OSBPL10: variants seen among roughly 807,000 people sequenced by gnomAD.
OSBPL10 encodes oxysterol-binding protein-related protein 10.
OSBPL10 carries 49 observed loss-of-function variants against 81.7 expected under a neutral mutation model. The observed-to-expected ratio is 0.60, with a 90% CI of 0.48 to 0.76. OSBPL10 has a LOEUF of 0.76. OSBPL10 is among the 30% of genes least tolerant of loss of function. The pLI is 0.00. For missense variants in OSBPL10, 923 were observed against 987.8 expected (o/e 0.93, Z 0.88); for synonymous variants, 419 against 383.6 (o/e 1.09, Z -1.08).
chr3:31,936,606 C>T (rs189093678), intron 1 of OSBPL10, among the ~76,000 whole-genome samples: 9 of 152,230 alleles, frequency 5.9e-5, no homozygotes, highest in African/African-American at 1.2e-4. Flanking sequence ...ATTTCCATGA[C>T]ACACACAGGT....
intron 4 of OSBPL10, among the ~76,000 whole-genome samples, chr3:31,790,909 T>C (rs1251011606): frequency 1.3e-5 from 2 of 152,198 alleles, no homozygotes; most frequent in Admixed American, 6.5e-5. Flanking sequence ...GCTATGCTTG[T>C]TGGAACTCAT....
intron 3 of OSBPL10, among the ~76,000 whole-genome samples, chr3:31,857,290 T>A (rs7624824): frequency 0.013 from 1,933 of 152,154 alleles, 39 homozygotes; most frequent in African/African-American, 0.043. Flanking sequence ...GCAGCTCCCC[T>A]CAAAGAGCAT....
intron 5 of OSBPL10, among the ~76,000 whole-genome samples, chr3:31,742,825 G>A (rs1697395127): frequency 6.6e-6 from 1 of 152,022 alleles, no homozygotes; most frequent in African/African-American, 2.4e-5. Context: ...CTCCCAAAGA[G>A]CACAACCTTT....
chr3:32,021,665 A>G (rs994842843), intron 2 of OSBPL10, among the ~76,000 whole-genome samples: 1 of 152,090 alleles, frequency 6.6e-6, no homozygotes, highest in African/African-American at 2.4e-5. Flanking sequence ...TCCATTGCCC[A>G]TTTAGGAGTT....
At chr3:31,741,404 A>C (rs1256250266) in intron 5 of OSBPL10, among the ~76,000 whole-genome samples, 5 of 152,222 alleles carry the variant, frequency 3.3e-5, no homozygotes, top group Admixed American at 6.5e-5. Context: ...AGCTGGGACT[A>C]CAGGCGCATG....
At chr3:32,017,914 C>T (rs890546705) in intron 2 of OSBPL10, among the ~76,000 whole-genome samples, 4 of 151,948 alleles carry the variant, frequency 2.6e-5, no homozygotes, top group East Asian at 1.9e-4. Context: ...TTTGAGAGGC[C>T]GAGGCAGGCA....
chr3:31,747,076 T>C (rs1006236841), intron 5 of OSBPL10, among the ~76,000 whole-genome samples: 1 of 152,156 alleles, frequency 6.6e-6, no homozygotes, highest in African/African-American at 2.4e-5. Flanking sequence ...GGCTCACACC[T>C]GTAATCCCAG....
chr3:31,722,364 C>G lies in OSBPL10; in HGVS notation c.1095+10893G>C, dbSNP rs1337291011. 3.3e-5 allele frequency among the ~76,000 whole-genome samples: 5 copies of G among 152,096 alleles called. No individual in the cohort carries two copies. In the South Asian group the frequency reaches 8.3e-4, roughly 25 times the overall value. On this transcript the variant is annotated intron_variant, in intron 6 of 11. Coordinates refer to ENST00000396556, the MANE Select transcript of OSBPL10 (RefSeq NM_017784.5). The stretch of plus-strand genomic sequence containing the variant: ...CAGTGACCATCAGGAGCACCTGCCC[C>G]TCATGTCTGCAGGGCACAAGAGTCA...
At chr3:31,799,479 T>A (rs1199173253) in intron 4 of OSBPL10, among the ~76,000 whole-genome samples, 3 of 151,018 alleles carry the variant, frequency 2.0e-5, no homozygotes, top group Non-Finnish European at 4.4e-5. Flanking sequence ...CCACATTATC[T>A]ACCTGACTTT....
rs575060255 is a variant in OSBPL10, at chr3:31,725,763, G to A, written c.1095+7494C>T. Reference sequence around the variant, plus strand: ...TACTGGAACTCCCGGAAGCCACAGGGAAGAGCACAGAACAGAGATGAGAAC... The same window carrying A: ...TACTGGAACTCCCGGAAGCCACAGGAAAGAGCACAGAACAGAGATGAGAAC... On this transcript the variant is annotated intron_variant, in intron 6 of 11. Coordinates refer to ENST00000396556, the MANE Select transcript of OSBPL10 (RefSeq NM_017784.5). 9.2e-5 allele frequency among the ~76,000 whole-genome samples: 14 copies of A among 152,326 alleles called. No individual in the cohort carries two copies. In the East Asian group the frequency reaches 1.3e-3, roughly 15 times the overall value.
At chr3:32,072,537 C>A (rs1367078833) in intron 1 of OSBPL10, among the ~76,000 whole-genome samples, 1 of 152,190 alleles carries the variant, frequency 6.6e-6, no homozygotes, top group Non-Finnish European at 1.5e-5. Flanking sequence ...ATTTCATAAC[C>A]TCTTCCATGT....
intron 4 of OSBPL10, among the ~76,000 whole-genome samples, chr3:31,762,630 A>ATTTTTTTGTTTTTT (rs1698080971): frequency 1.6e-5 from 1 of 61,514 alleles, no homozygotes; most frequent in Non-Finnish European, 2.7e-5. Flanking sequence ...CATGCCCAGC[A>ATTTTTTTGTTTTTT]TTTTTTTTTT....
At chr3:31,694,556 A>T (rs886335494) in intron 7 of OSBPL10, among the ~76,000 whole-genome samples, 1 of 152,154 alleles carries the variant, frequency 6.6e-6, no homozygotes, top group African/African-American at 2.4e-5. Flanking sequence ...CAATCAATTT[A>T]TAATGCCATC....
intron 3 of OSBPL10, among the ~76,000 whole-genome samples, chr3:31,835,012 C>T (rs554517106): frequency 1.3e-5 from 2 of 152,264 alleles, no homozygotes; most frequent in Admixed American, 6.5e-5. Context: ...GCAATGAATA[C>T]TATCATTAAT....
Position 31,932,300 on chromosome 3 carries a change from C to G in OSBPL10, c.281+48599G>C, listed in dbSNP as rs556132901. ...CACCTCCACCCGCATCTCCCAGTTT[C>G]TTTGCTTAGCTTAAAACTTTCCTTA... On this transcript the variant is annotated intron_variant, in intron 1 of 11. Coordinates refer to ENST00000396556, the MANE Select transcript of OSBPL10 (RefSeq NM_017784.5). Among the ~76,000 whole-genome samples the G allele has an allele frequency of 8.5e-5, 13 of 152,282 alleles. No homozygotes were observed. The South Asian group carries it at 2.7e-3, about 32-fold the overall frequency.
rs77439280 is a variant in OSBPL10 at position 31,865,062 on chromosome 3, A to G, written c.537+11371T>C. Among the ~76,000 whole-genome samples, 80 of 152,280 alleles carry G rather than the reference A, an allele frequency of 5.3e-4. 1 individual carries two copies. The East Asian group carries it at 0.013, about 25-fold the overall frequency. On this transcript the variant is annotated intron_variant, in intron 3 of 11. Transcript: ENST00000396556. Reference sequence around the variant, plus strand: ...AAGAAGACCAGGACTCCCAACAGAAAGGGAGAAGAAAAGAAGGGAGGGAGG... The same window carrying G: ...AAGAAGACCAGGACTCCCAACAGAAGGGGAGAAGAAAAGAAGGGAGGGAGG...
At chr3:31,764,954 TC>T (rs1172245709) in intron 4 of OSBPL10, among the ~76,000 whole-genome samples, 5 of 152,158 alleles carry the variant, frequency 3.3e-5, no homozygotes, top group Non-Finnish European at 7.4e-5. Context: ...TCCATCATCC[TC>T]CCAAAAGGCC....
chr3:31,777,947 G>A (rs1698586493), intron 4 of OSBPL10, among the ~76,000 whole-genome samples: 1 of 152,232 alleles, frequency 6.6e-6, no homozygotes. Flanking sequence ...TCTGGGAAAG[G>A]TTGCAGGGTG....
At chr3:31,862,552 G>A (rs1437749982) in intron 3 of OSBPL10, among the ~76,000 whole-genome samples, 1 of 151,764 alleles carries the variant, frequency 6.6e-6, no homozygotes, top group Non-Finnish European at 1.5e-5. Context: ...TCTGATAAAG[G>A]TCTAACTATC....
Sources: gnomAD v4.1 joint callset for allele counts (sites outside exome capture counted in the v4.1 genomes callset) on GRCh38, gnomAD v4.1.1 for gene constraint, MANE v1.5 for transcripts, NCBI Gene and HGNC (gene_info 2026-07-23, HGNC 2026-07-21) for gene names.